ZNF587B: variants seen among roughly 807,000 people sequenced by gnomAD.
The protein encoded by ZNF587B is zinc finger protein 587B.
Under a neutral mutation model 7.2 loss-of-function variants are expected in ZNF587B, and 6 were observed. The observed-to-expected ratio is 0.83, with a 90% CI of 0.46 to 1.65. The LOEUF (loss-of-function observed/expected upper bound fraction) is 1.65, where lower values mean the gene tolerates loss of function less well. ZNF587B is among the 40% of genes most tolerant of loss of function. The probability of loss-of-function intolerance (pLI) is 0.01; values close to 1 mark genes in which losing one functional copy is unlikely to be tolerated. For synonymous variants in ZNF587B, 274 were observed against 254.3 expected (o/e 1.08, Z -0.74); for missense variants, 749 against 761.0 (o/e 0.98, Z 0.19).
Position 57,843,489 on chromosome 19 carries a change from T to C in ZNF587B, c.*913T>C. On this transcript the variant is annotated 3_prime_UTR_variant, in exon 3 of 3. Transcript: ENST00000594901. ...TTGGTAGGTACCCACATTGCATCAT[T>C]CACCTATTTCGTATTCTAGAAGTAT... 1 of 985,314 alleles carries C rather than the reference T, an allele frequency of 1.0e-6. No individual in the cohort carries two copies. Among genetic ancestry groups the C allele is most frequent in the Non-Finnish European group, 1.2e-6 (1 of 829,900 alleles). 61.0% of individuals were successfully genotyped at this position (985,314 alleles called of 1,614,324 possible). A position where few individuals can be genotyped will look rare whatever the true frequency, so the allele number is the denominator to read the frequency against.
chr19:57,841,333 T>C lies in ZNF587B; in HGVS notation c.659T>C (p.Met220Thr), dbSNP rs569104834. The C allele has an allele frequency of 2.2e-5, 35 of 1,608,878 alleles. No individual in the cohort carries two copies. In the South Asian group the frequency reaches 3.6e-4, roughly 17 times the overall value. The change falls in exon 3 of 3, where the codon ATG (methionine) becomes ACG (threonine). Residue 220 changes from methionine (M) to threonine (T), a missense_variant. Physicochemically the swap from Met to Thr is moderately conservative, Grantham distance 81. Around this residue, in one of 3 missense-constraint regions of ZNF587B, gnomAD observed 656 missense variants for 596.5 expected, o/e 1.10. Coordinates refer to ENST00000594901, the MANE Select transcript of ZNF587B (RefSeq NM_001376223.1). Reference protein sequence around the residue: ...GGAHYSHGDSMKHFSTKHILS... With the variant: ...GGAHYSHGDSTKHFSTKHILS... ...GCTCACTATAGCCATGGAGATTCCA[T>C]GAAACATTTTAGCACCAAACATATA...
intron 2 of ZNF587B, among the ~76,000 whole-genome samples, chr19:57,840,075 CAAAAAAAAAAAAAAAAAAA>C (rs774635301): frequency 0.042 from 3,367 of 81,044 alleles, 159 homozygotes; most frequent in African/African-American, 0.11. Context: ...ACTCTGTCTC[CAAAAAAAAAAAAAAAAAAA>C]AAAAAAAAAA....
Position 57,845,292 on chromosome 19 carries a change from T to C in ZNF587B, c.*2716T>C, listed in dbSNP as rs1384552240. 6.6e-6 allele frequency: 1 copy of C among 152,196 alleles called. No homozygotes were observed. The highest frequency in any genetic ancestry group is 1.5e-5 in the Non-Finnish European group (1 of 68,048). 9.4% of individuals were successfully genotyped at this position (152,196 alleles called of 1,614,324 possible). On this transcript the variant is annotated 3_prime_UTR_variant, in exon 3 of 3. Transcript: ENST00000594901. ...GCTGTGTTTGGCTGAAATGTATGTC[T>C]TTTAAAGGAGTGTCCACAGTTATCC...
chr19:57,841,972 C>T lies in ZNF587B; in HGVS notation c.1298C>T (p.Thr433Ile), dbSNP rs757782488. The part of the protein sequence containing the change: ...GHLRSHQRVH[T>I]TERPYKCGEC... ...CTTAGGAGTCATCAGCGAGTTCACA[C>T]TACAGAAAGACCTTATAAGTGTGGG... The change falls in exon 3 of 3, where the codon ACT (threonine) becomes ATT (isoleucine). Residue 433 changes from threonine (T) to isoleucine (I), a missense_variant. By Grantham distance (89) the Thr-to-Ile change is moderately conservative. Transcript: ENST00000594901. 1.5e-5 allele frequency: 24 copies of T among 1,610,116 alleles called. No homozygotes were observed. In the South Asian group the frequency reaches 2.5e-4, roughly 17 times the overall value.
Position 57,843,696 on chromosome 19 carries a change from A to G in ZNF587B, c.*1120A>G, listed in dbSNP as rs1041073018. On this transcript the variant is annotated 3_prime_UTR_variant, in exon 3 of 3. Coordinates refer to ENST00000594901, the MANE Select transcript of ZNF587B (RefSeq NM_001376223.1). ...GGTTCATTGCAACCTCTGCCTCCTG[A>G]GTTCAAGCAATTCTCCTTTCTCAGC... The G allele has an allele frequency of 1.0e-5, 5 of 497,512 alleles. No homozygotes were observed. The highest frequency in any genetic ancestry group is 2.3e-5 in the African/African-American group (1 of 43,916). The allele number at this position is 497,512 out of a possible 1,614,324, so 30.8% of individuals were successfully genotyped here.
Position 57,843,493 on chromosome 19 carries a change from C to G in ZNF587B, c.*917C>G. On this transcript the variant is annotated 3_prime_UTR_variant, in exon 3 of 3. Coordinates refer to ENST00000594901, the MANE Select transcript of ZNF587B (RefSeq NM_001376223.1). ...TAGGTACCCACATTGCATCATTCAC[C>G]TATTTCGTATTCTAGAAGTATATTT... 1.6e-5 allele frequency: 16 copies of G among 984,844 alleles called. No homozygotes were observed. The highest frequency in any genetic ancestry group is 1.9e-5 in the Non-Finnish European group (16 of 829,862). 61.0% of individuals were successfully genotyped at this position (984,844 alleles called of 1,614,324 possible).
intron 1 of ZNF587B, 119 bp downstream of exon 1, chr19:57,830,683 T>G: frequency 8.6e-7 from 1 of 1,165,440 alleles, no homozygotes. Flanking sequence ...GAGTTTTTAT[T>G]AGGAGTGACT....
rs1220306770 is a variant in ZNF587B, at chr19:57,841,954, G to A, written c.1280G>A (p.Ser427Asn). Residue 427 changes from serine to asparagine, a missense_variant, in exon 3 of 3, where the codon AGT becomes AAT. Around this residue, in one of 3 missense-constraint regions of ZNF587B, gnomAD observed 656 missense variants for 596.5 expected, o/e 1.10. Transcript: ENST00000594901. ...KSFNEKGHLR[S>N]HQRVHTTERP... ...TTTAATGAAAAAGGACACCTTAGGA[G>A]TCATCAGCGAGTTCACACTACAGAA... 5 of 1,612,308 alleles carry A rather than the reference G, an allele frequency of 3.1e-6. No individual in the cohort carries two copies. The highest frequency in any genetic ancestry group is 3.4e-6 in the Non-Finnish European group (4 of 1,179,162).
In ZNF587B at chr19:57,843,933, G is replaced by C. The variant is rs982617834; in HGVS notation, c.*1357G>C. On this transcript the variant is annotated 3_prime_UTR_variant, in exon 3 of 3. Transcript: ENST00000594901. Reference sequence around the variant, plus strand: ...ATTTTTTAAATTTATATTTTTTGTAGAGACAGGGTCTTGCTGTGTTGCACA... The same window carrying C: ...ATTTTTTAAATTTATATTTTTTGTACAGACAGGGTCTTGCTGTGTTGCACA... Among the ~76,000 whole-genome samples the C allele has an allele frequency of 7.2e-5, 11 of 151,826 alleles. No homozygotes were observed. Among genetic ancestry groups the C allele is most frequent in the African/African-American group, 2.7e-4 (11 of 41,320 alleles).
Position 57,842,714 on chromosome 19 carries a change from A to G in ZNF587B, c.*138A>G. 1.6e-6 allele frequency: 2 copies of G among 1,288,624 alleles called. No homozygotes were observed. The highest frequency in any genetic ancestry group is 2.0e-6 in the Non-Finnish European group (2 of 1,022,138). 79.8% of individuals were successfully genotyped at this position (1,288,624 alleles called of 1,614,324 possible). A position where few individuals can be genotyped will look rare whatever the true frequency, so the allele number is the denominator to read the frequency against. On this transcript the variant is annotated 3_prime_UTR_variant, in exon 3 of 3. Coordinates refer to ENST00000594901, the MANE Select transcript of ZNF587B (RefSeq NM_001376223.1). ...GGACATTGGAGAGTTCACACCAGAG[A>G]AAAGTCCTTACAAGTAAAATAAATT...
At chr19:57,839,237 G>A in intron 2 of ZNF587B, 88 bp downstream of exon 2, 1 of 1,563,800 alleles carries the variant, frequency 6.4e-7, no homozygotes, top group South Asian at 1.2e-5. Context: ...CATGTCAGGA[G>A]CATGGACACA....
Position 57,841,858 on chromosome 19 carries a change from G to A in ZNF587B, c.1184G>A (p.Gly395Glu). ...GECGKSYISK[G>E]HLRIHQRMHT... ...TGTGGGAAATCTTATATTTCAAAGG[G>A]GCACCTTAGGATCCATCAGCGCATG... The change falls in exon 3 of 3, where the codon GGG becomes GAG. Residue 395 changes from glycine to glutamate, a missense_variant. By Grantham distance (98) the Gly-to-Glu change is moderately conservative (BLOSUM62 -2). Transcript: ENST00000594901. 1 of 1,612,616 alleles carries A rather than the reference G, an allele frequency of 6.2e-7. No homozygotes were observed. Among genetic ancestry groups the A allele is most frequent in the Non-Finnish European group, 8.5e-7 (1 of 1,179,608 alleles).
In ZNF587B at chr19:57,830,339, C is replaced by G. The variant is rs560315251; in HGVS notation, c.-190C>G. On this transcript the variant is annotated 5_prime_UTR_variant, in exon 1 of 3. Transcript: ENST00000594901. ...TATTTGTCGGAGAGGCTCCTGAGCGCTAGGTCGGCACTGCGGTGACTGAAC... is the reference window on the plus strand; with the variant it reads ...TATTTGTCGGAGAGGCTCCTGAGCGGTAGGTCGGCACTGCGGTGACTGAAC... 221 of 572,772 alleles carry G rather than the reference C, an allele frequency of 3.9e-4. 1 individual carries two copies. The highest frequency in any genetic ancestry group is 2.8e-3 in the Middle Eastern group (8 of 2,904). 35.5% of individuals were successfully genotyped at this position (572,772 alleles called of 1,614,324 possible).
chr19:57,837,130 T>TA (rs1988645702), intron 1 of ZNF587B, among the ~76,000 whole-genome samples: 1 of 152,328 alleles, frequency 6.6e-6, no homozygotes, highest in Admixed American at 6.5e-5. Flanking sequence ...ATCAGGCCAT[T>TA]ACACTCTCTT....
At chr19:57,837,724 A>G (rs1381282136) in intron 1 of ZNF587B, among the ~76,000 whole-genome samples, 1 of 152,034 alleles carries the variant, frequency 6.6e-6, no homozygotes, top group Non-Finnish European at 1.5e-5. Context: ...CTGGGATTAC[A>G]GGCATGAGCC....
chr19:57,845,380 T>G lies in ZNF587B; in HGVS notation c.*2804T>G, dbSNP rs1022823212. On this transcript the variant is annotated 3_prime_UTR_variant, in exon 3 of 3. Transcript: ENST00000594901. ...TTCTCAAGACTTCCATAATAATGAA[T>G]GTTGTGTAGCTAAGCTTTGGTCAGA... is the stretch of plus-strand genomic sequence containing the variant. 4 of 152,194 alleles carry G rather than the reference T, an allele frequency of 2.6e-5. No homozygotes were observed. Among genetic ancestry groups the G allele is most frequent in the African/African-American group, 9.7e-5 (4 of 41,442 alleles). The allele number at this position is 152,194 out of a possible 1,614,324, so 9.4% of individuals were successfully genotyped here.
rs777153086 is a variant in ZNF587B, at chr19:57,842,411, G to A, written c.1737G>A (p.Glu579=). ...TTCACACTGGTCAGAAGCCTTATGAGTGCAGTGAATGTGGGAAATCTTTTG... is the reference window on the plus strand; with the variant it reads ...TTCACACTGGTCAGAAGCCTTATGAATGCAGTGAATGTGGGAAATCTTTTG... ...RRVHTGQKPY[E]CSECGKSFAG... is the part of the protein sequence containing the mutation. Residue 579 remains glutamate (E), a synonymous_variant, in exon 3 of 3, where the codon GAG becomes GAA. Transcript: ENST00000594901. 12 of 1,600,154 alleles carry A rather than the reference G, an allele frequency of 7.5e-6. No individual in the cohort carries two copies. Among genetic ancestry groups the A allele is most frequent in the Non-Finnish European group, 1.0e-5 (12 of 1,174,374 alleles).
chr19:57,830,598 CTCA>C (rs1467765954), intron 1 of ZNF587B, 34 bp downstream of exon 1: 1 of 1,548,356 alleles, frequency 6.5e-7, no homozygotes, highest in African/African-American at 1.4e-5. Context: ...CTCAGGTCAC[CTCA>C]TCATCACCCA....
At chr19:57,837,700 A>T (rs770936038) in intron 1 of ZNF587B, among the ~76,000 whole-genome samples, 52 of 151,956 alleles carry the variant, frequency 3.4e-4, no homozygotes, top group Non-Finnish European at 5.7e-4. Context: ...TGCCCGTCTC[A>T]GCCTCCCAAA....
Sources: allele counts gnomAD v4.1 joint callset (sites outside exome capture counted in the v4.1 genomes callset), GRCh38; gene constraint gnomAD v4.1.1; regional missense constraint gnomAD v4.1.1; transcripts MANE v1.5; gene names NCBI Gene and HGNC (gene_info 2026-07-23, HGNC 2026-07-21).